The following MAPKAP1 variants were observed in gnomAD, a reference collection of about 807,000 sequenced individuals.
MAPKAP1 encodes MAPK associated protein 1, also known as target of rapamycin complex 2 subunit MAPKAP1.
MAPKAP1 carries 20 observed loss-of-function variants against 65.7 expected under a neutral mutation model. The observed-to-expected ratio is 0.30, with a 90% CI of 0.21 to 0.44. The LOEUF is 0.44. Among genes scored for constraint, MAPKAP1 ranks in the 20% least tolerant of loss-of-function variants. The pLI, the probability that MAPKAP1 is intolerant of heterozygous loss-of-function variation, is 1.00. For synonymous variants in MAPKAP1, 222 were observed against 244.3 expected, an observed-to-expected ratio of 0.91 and a Z score of 0.85; for missense variants, 423 against 648.0, an observed-to-expected ratio of 0.65 and a Z score of 3.77.
intron 5 of MAPKAP1, among the ~76,000 whole-genome samples, chr9:125,571,695 C>G (rs1486761548): frequency 1.1e-4 from 3 of 26,606 alleles, no homozygotes; most frequent in African/African-American, 1.7e-4. Flanking sequence ...CCCATCTTTA[C>G]TAAAAAAAAA....
Position 125,439,139 on chromosome 9 carries a change from G to A in MAPKAP1, c.1444-127C>T. 1.9e-6 allele frequency: 2 copies of A among 1,032,686 alleles called. No homozygotes were observed. Among genetic ancestry groups the A allele is most frequent in the South Asian group, 1.6e-5 (1 of 61,448 alleles). 64.0% of individuals were successfully genotyped at this position (1,032,686 alleles called of 1,614,324 possible). A position where few individuals can be genotyped will look rare whatever the true frequency, so the allele number is the denominator to read the frequency against. On this transcript the variant is annotated intron_variant, in intron 11 of 11. Transcript: ENST00000265960. This position sits in a 1 kb window ranked among gnomAD's most constrained non-coding sequence, Gnocchi z 4.0. ...CCTCAGGGCCAGGTGCTGTCGTGTG[G>A]AAGGAGTCCAGTCATCACAGCAACC...
chr9:125,544,890 C>T (rs964662749), intron 6 of MAPKAP1, among the ~76,000 whole-genome samples: 1 of 152,234 alleles, frequency 6.6e-6, no homozygotes, highest in Non-Finnish European at 1.5e-5. Context: ...TGACTCTCCA[C>T]AGGGGCTGGG....
intron 4 of MAPKAP1, among the ~76,000 whole-genome samples, chr9:125,594,054 A>G (rs1832051723): frequency 1.3e-5 from 2 of 152,066 alleles, no homozygotes; most frequent in South Asian, 4.2e-4. Context: ...TACCATCCAA[A>G]TGCCTCTGAA....
intron 4 of MAPKAP1, among the ~76,000 whole-genome samples, chr9:125,597,119 G>C (rs11795071): frequency 2.0e-5 from 3 of 151,800 alleles, no homozygotes; most frequent in African/African-American, 7.3e-5. Flanking sequence ...CAAAAAATTA[G>C]CCGGGCGTGG....
chr9:125,461,499 G>T lies in MAPKAP1; in HGVS notation c.1345+6473C>A, dbSNP rs545425406. Among the ~76,000 whole-genome samples the T allele has an allele frequency of 3.3e-5, 5 of 152,306 alleles. No homozygotes were observed. In the East Asian group the frequency reaches 5.8e-4, roughly 18 times the overall value. ...GAGGTGCATCCAAATGCAGCAAGGA[G>T]TTTTAATTGGATAGTGTAATTAAAC... is the stretch of plus-strand genomic sequence containing the variant. On this transcript the variant is annotated intron_variant, in intron 10 of 11. Coordinates refer to ENST00000265960, the MANE Select transcript of MAPKAP1 (RefSeq NM_001006617.3).
intron 11 of MAPKAP1, among the ~76,000 whole-genome samples, chr9:125,441,710 T>A (rs1031741999): frequency 2.6e-5 from 4 of 152,166 alleles, no homozygotes; most frequent in African/African-American, 7.2e-5. Flanking sequence ...GCAACAACAT[T>A]TCTCCCAAGC....
intron 8 of MAPKAP1, 119 bp from the exon 9 acceptor site, chr9:125,484,702 G>A (rs536250574): frequency 9.2e-6 from 9 of 973,716 alleles, no homozygotes; most frequent in Non-Finnish European, 1.3e-5. Flanking sequence ...GAGAAGAAAA[G>A]GCTGAGCGAT....
intron 5 of MAPKAP1, among the ~76,000 whole-genome samples, chr9:125,567,421 C>T (rs1452394679): frequency 1.3e-5 from 2 of 152,222 alleles, no homozygotes; most frequent in Non-Finnish European, 2.9e-5. Context: ...GTCATCCTCA[C>T]TGCTACACTC....
At chr9:125,501,053 G>C (rs1277938465) in intron 8 of MAPKAP1, among the ~76,000 whole-genome samples, 1 of 152,086 alleles carries the variant, frequency 6.6e-6, no homozygotes, top group Non-Finnish European at 1.5e-5. Context: ...AATGTCACAA[G>C]GATTGTTACA....
chr9:125,556,684 G>C (rs146760778), intron 6 of MAPKAP1, among the ~76,000 whole-genome samples: 2 of 152,172 alleles, frequency 1.3e-5, no homozygotes, highest in Admixed American at 1.3e-4. Context: ...GGGAAATGAC[G>C]AGGAGGAGTA....
chr9:125,454,628 G>A (rs1008443554), intron 10 of MAPKAP1, among the ~76,000 whole-genome samples: 1 of 152,130 alleles, frequency 6.6e-6, no homozygotes, highest in African/African-American at 2.4e-5. Flanking sequence ...CCACAAAATT[G>A]CTCCATACTA....
At chr9:125,626,018 A>G (rs745895120) in intron 4 of MAPKAP1, among the ~76,000 whole-genome samples, 38 of 152,210 alleles carry the variant, frequency 2.5e-4, no homozygotes, top group Non-Finnish European at 5.1e-4. Flanking sequence ...TAAAAAGTCC[A>G]TATCATTAAG....
chr9:125,577,779 G>GGCC (rs1831485769), intron 5 of MAPKAP1, among the ~76,000 whole-genome samples: 1 of 130,726 alleles, frequency 7.6e-6, no homozygotes, highest in Non-Finnish European at 1.6e-5. Flanking sequence ...CCCCTCTGCC[G>GGCC]GGCCAGCCGC....
rs569994193 is a variant in MAPKAP1, at chr9:125,477,425, G to A, written c.1207+7018C>T. Among the ~76,000 whole-genome samples, 10 of 152,312 alleles carry A rather than the reference G, an allele frequency of 6.6e-5. 1 individual carries two copies. In the South Asian group the frequency reaches 2.1e-3, roughly 32 times the overall value. On this transcript the variant is annotated intron_variant, in intron 9 of 11. Transcript: ENST00000265960. ...GGACAAAGAGATAAGGGGTAAGAAA[G>A]TCCTTTCAATACTGTGAGTTTGTGT...
At chr9:125,452,777 G>A (rs1270256109) in intron 10 of MAPKAP1, among the ~76,000 whole-genome samples, 1 of 151,900 alleles carries the variant, frequency 6.6e-6, no homozygotes, top group East Asian at 1.9e-4. Flanking sequence ...CTGAGGCTGG[G>A]CTGGGAGGCT....
At chr9:125,565,741 C>CAAAAAAA in intron 5 of MAPKAP1, 7 of 149,122 alleles carry the variant, frequency 4.7e-5, no homozygotes, top group African/African-American at 1.5e-4. Context: ...TTCTCTCCTG[C>CAAAAAAA]AAAAAAAAAA....
At chr9:125,590,308 A>G (rs1170049292) in intron 4 of MAPKAP1, among the ~76,000 whole-genome samples, 2 of 152,180 alleles carry the variant, frequency 1.3e-5, no homozygotes, top group African/African-American at 4.8e-5. Flanking sequence ...ACATGAGGCC[A>G]AGAACGGGTA....
intron 9 of MAPKAP1, among the ~76,000 whole-genome samples, chr9:125,475,069 T>G (rs965436375): frequency 1.1e-4 from 16 of 152,204 alleles, no homozygotes; most frequent in Admixed American, 6.5e-5. Context: ...ACAGGCTGTT[T>G]GGGCTTAATG....
chr9:125,438,444 A>C lies in MAPKAP1; in HGVS notation c.*443T>G, dbSNP rs1200099482. Reference sequence around the variant, plus strand: ...AGTAACATAATCAATCCTCCGCCCCAAAGAATGGTCCATCATACCAACCAT... The same window carrying C: ...AGTAACATAATCAATCCTCCGCCCCCAAGAATGGTCCATCATACCAACCAT... On this transcript the variant is annotated 3_prime_UTR_variant, in exon 12 of 12. Coordinates refer to ENST00000265960, the MANE Select transcript of MAPKAP1 (RefSeq NM_001006617.3). 1 of 399,800 alleles carries C rather than the reference A, an allele frequency of 2.5e-6. No homozygotes were observed. Among genetic ancestry groups the C allele is most frequent in the East Asian group, 3.6e-5 (1 of 28,120 alleles). The allele number at this position is 399,800 out of a possible 1,614,324, so 24.8% of individuals were successfully genotyped here. A position where few individuals can be genotyped will look rare whatever the true frequency, so the allele number is the denominator to read the frequency against.
Sources: gnomAD v4.1 joint callset for allele counts (sites outside exome capture counted in the v4.1 genomes callset) on GRCh38, gnomAD v4.1.1 for gene constraint, Gnocchi (gnomAD v3.1) non-coding constraint, MANE v1.5 for transcripts, NCBI Gene and HGNC (gene_info 2026-07-23, HGNC 2026-07-21) for gene names.